Variants in CDYL2 observed in about 807,000 individuals in gnomAD.
CDYL2 encodes chromodomain Y like 2.
A neutral mutation model predicts 49.4 loss-of-function variants in CDYL2; 23 were observed. The observed-to-expected ratio is 0.47, with a 90% CI of 0.34 to 0.66. The LOEUF (loss-of-function observed/expected upper bound fraction) is 0.66, where lower values mean the gene tolerates loss of function less well. Among genes scored for constraint, CDYL2 ranks in the 30% least tolerant of loss-of-function variants. The probability of loss-of-function intolerance (pLI) is 0.01; values close to 1 mark genes in which losing one functional copy is unlikely to be tolerated. For missense variants in CDYL2, 678 were observed against 656.4 expected (o/e 1.03, Z -0.36); for synonymous variants, 360 against 268.8 (o/e 1.34, Z -3.32).
rs1387677682 is a variant in CDYL2 at position 80,603,374 on chromosome 16, A to G, written c.*1014T>C. 6.6e-6 allele frequency: 1 copy of G among 152,088 alleles called. No homozygotes were observed. Among genetic ancestry groups the G allele is most frequent in the African/African-American group, 2.4e-5 (1 of 41,382 alleles). The allele number at this position is 152,088 out of a possible 1,614,324, so 9.4% of individuals were successfully genotyped here. A position where few individuals can be genotyped will look rare whatever the true frequency, so the allele number is the denominator to read the frequency against. ...TCATTCAGGCTAAGAGGGCCCTTTA[A>G]CTCCTTAAAGACAGCAGAGGGAAGA... On this transcript the variant is annotated 3_prime_UTR_variant, in exon 7 of 7. Coordinates refer to ENST00000570137, the MANE Select transcript of CDYL2 (RefSeq NM_152342.4).
Position 80,603,561 on chromosome 16 carries a change from C to T in CDYL2, c.*827G>A, listed in dbSNP as rs1906191230. ...AACTTTATTTCTACATGGTTCATTGCTAGAATGCACCAAACGGCATGAACC... is the reference window on the plus strand; with the variant it reads ...AACTTTATTTCTACATGGTTCATTGTTAGAATGCACCAAACGGCATGAACC... On this transcript the variant is annotated 3_prime_UTR_variant, in exon 7 of 7. Coordinates refer to ENST00000570137, the MANE Select transcript of CDYL2 (RefSeq NM_152342.4). 1 of 152,422 alleles carries T rather than the reference C, an allele frequency of 6.6e-6. No individual in the cohort carries two copies. Among genetic ancestry groups the T allele is most frequent in the Non-Finnish European group, 1.5e-5 (1 of 68,034 alleles). The allele number at this position is 152,422 out of a possible 1,614,324, so 9.4% of individuals were successfully genotyped here. A position where few individuals can be genotyped will look rare whatever the true frequency, so the allele number is the denominator to read the frequency against.
intron 6 of CDYL2, among the ~76,000 whole-genome samples, chr16:80,607,360 C>A (rs1906384235): frequency 2.6e-5 from 4 of 152,042 alleles, no homozygotes; most frequent in Non-Finnish European, 4.4e-5. Flanking sequence ...CACAGGGAGA[C>A]AAGGAAGGGA....
intron 1 of CDYL2, among the ~76,000 whole-genome samples, chr16:80,695,013 T>C (rs746426686): frequency 1.1e-4 from 16 of 152,190 alleles, no homozygotes; most frequent in Admixed American, 2.0e-4. Flanking sequence ...AAAGAATATA[T>C]ATCCCAAAGA....
rs1292217937 is a variant in CDYL2 at position 80,600,561 on chromosome 16, A to T, written c.*3827T>A. On this transcript the variant is annotated 3_prime_UTR_variant, in exon 7 of 7. Coordinates refer to ENST00000570137, the MANE Select transcript of CDYL2 (RefSeq NM_152342.4). ...GAGAATAAAATAAAATACTTAAGAA[A>T]TCTCATTTAGAGTCTTAAATACTGT... The T allele has an allele frequency of 6.6e-6, 1 of 152,186 alleles. No homozygotes were observed. The highest frequency in any genetic ancestry group is 6.5e-5 in the Admixed American group (1 of 15,276). 9.4% of individuals were successfully genotyped at this position (152,186 alleles called of 1,614,324 possible).
intron 2 of CDYL2, among the ~76,000 whole-genome samples, chr16:80,682,785 C>T (rs1009229556): frequency 2.0e-5 from 3 of 152,198 alleles, no homozygotes; most frequent in African/African-American, 7.2e-5. Context: ...ACATCAAACA[C>T]GGGTGTTTAT....
intron 1 of CDYL2, among the ~76,000 whole-genome samples, chr16:80,762,394 A>G (rs143509304): frequency 3.3e-5 from 5 of 152,328 alleles, no homozygotes; most frequent in Non-Finnish European, 7.4e-5. Flanking sequence ...CCAAACGTGG[A>G]AAGAGCAGAA....
intron 1 of CDYL2, among the ~76,000 whole-genome samples, chr16:80,725,437 T>C (rs1486700446): frequency 2.0e-5 from 3 of 152,214 alleles, no homozygotes; most frequent in Admixed American, 1.3e-4. Context: ...GCAAGCCCCA[T>C]GTAGCTGGCT....
At chr16:80,665,123 T>C (rs774561092) in intron 2 of CDYL2, among the ~76,000 whole-genome samples, 2 of 152,214 alleles carry the variant, frequency 1.3e-5, no homozygotes, top group African/African-American at 2.4e-5. Context: ...ATGGCATTTA[T>C]TAATGATGCT....
chr16:80,789,199 T>C (rs530875696), intron 1 of CDYL2, among the ~76,000 whole-genome samples: 14 of 152,274 alleles, frequency 9.2e-5, no homozygotes, highest in African/African-American at 3.1e-4. Flanking sequence ...TCAACCTCTA[T>C]GGAAAACAGT....
chr16:80,775,924 C>T (rs1378716698), intron 1 of CDYL2, among the ~76,000 whole-genome samples: 1 of 151,508 alleles, frequency 6.6e-6, no homozygotes, highest in Non-Finnish European at 1.5e-5. Context: ...GTATTTTTCT[C>T]AAACATCAAA....
chr16:80,673,343 T>TA (rs1353851114), intron 2 of CDYL2, among the ~76,000 whole-genome samples: 1 of 151,946 alleles, frequency 6.6e-6, no homozygotes, highest in African/African-American at 2.4e-5. Flanking sequence ...TAAATAATTT[T>TA]AAAAAAATCA....
At chr16:80,662,608 C>T in intron 2 of CDYL2, 2 of 403,112 alleles carry the variant, frequency 5.0e-6, no homozygotes, top group South Asian at 3.8e-5. Flanking sequence ...CTTCAAAGAG[C>T]TTACAGTCTG....
At chr16:80,691,656 G>T (rs1406592678) in intron 1 of CDYL2, among the ~76,000 whole-genome samples, 1 of 152,140 alleles carries the variant, frequency 6.6e-6, no homozygotes, top group African/African-American at 2.4e-5. Context: ...ATAAGAACAT[G>T]ATCATAACTA....
Position 80,612,573 on chromosome 16 carries a change from G to C in CDYL2, c.1218+53C>G. On this transcript the variant is annotated intron_variant, in intron 5 of 6. Coordinates refer to ENST00000570137, the MANE Select transcript of CDYL2 (RefSeq NM_152342.4). The surrounding 1 kb of genome is among the most constrained non-coding windows in gnomAD (Gnocchi z 5.0). Reference sequence around the variant, plus strand: ...CCCCATGAAGAGCCCCTAAACCCAAGGCAGAGGAAGGATCCTGCTGGGACC... The same window carrying C: ...CCCCATGAAGAGCCCCTAAACCCAACGCAGAGGAAGGATCCTGCTGGGACC... 2.6e-6 allele frequency: 4 copies of C among 1,523,524 alleles called. No individual in the cohort carries two copies. Among genetic ancestry groups the C allele is most frequent in the Non-Finnish European group, 3.5e-6 (4 of 1,130,358 alleles). 94.4% of individuals were successfully genotyped at this position (1,523,524 alleles called of 1,614,324 possible). A position where few individuals can be genotyped will look rare whatever the true frequency, so the allele number is the denominator to read the frequency against.
chr16:80,758,130 G>C (rs939658793), intron 1 of CDYL2, among the ~76,000 whole-genome samples: 2 of 152,144 alleles, frequency 1.3e-5, no homozygotes, highest in African/African-American at 4.8e-5. Context: ...GATCTTAATT[G>C]TTGGTAAATG....
intron 2 of CDYL2, among the ~76,000 whole-genome samples, chr16:80,678,198 C>T (rs151060951): frequency 0.046 from 7,030 of 152,230 alleles, 180 homozygotes; most frequent in East Asian, 0.082. Flanking sequence ...GACATAGGCA[C>T]GGGCAAGGCC....
chr16:80,706,417 C>G (rs556680026), intron 1 of CDYL2, among the ~76,000 whole-genome samples: 10 of 152,194 alleles, frequency 6.6e-5, no homozygotes, highest in Non-Finnish European at 1.3e-4. Flanking sequence ...TAGGCCTCCA[C>G]CCTATAAAAC....
intron 1 of CDYL2, among the ~76,000 whole-genome samples, chr16:80,721,339 T>C (rs971438409): frequency 6.6e-6 from 1 of 152,354 alleles, no homozygotes; most frequent in South Asian, 2.1e-4. Context: ...ATTAAAGGGT[T>C]TGCCTGAAGT....
intron 1 of CDYL2, among the ~76,000 whole-genome samples, chr16:80,717,004 T>TGGATG (rs1904827562): frequency 6.8e-6 from 1 of 147,344 alleles, no homozygotes; most frequent in Non-Finnish European, 1.5e-5. Context: ...ATGATTCAAT[T>TGGATG]GATGGATGGA....
Sources: allele counts gnomAD v4.1 joint callset (sites outside exome capture counted in the v4.1 genomes callset), GRCh38; gene constraint gnomAD v4.1.1; non-coding constraint Gnocchi (gnomAD v3.1); transcripts MANE v1.5; gene names NCBI Gene and HGNC (gene_info 2026-07-23, HGNC 2026-07-21).